The following PHACTR2 variants were observed in gnomAD, a reference collection of about 807,000 sequenced individuals.
PHACTR2 encodes the protein chromosome 6 open reading frame 56.
Under a neutral mutation model 76.0 loss-of-function variants are expected in PHACTR2, and 30 were observed. That is an observed-to-expected ratio of 0.39 (90% confidence interval 0.30 to 0.54). The LOEUF (loss-of-function observed/expected upper bound fraction) is 0.54, where lower values mean the gene tolerates loss of function less well. Ranked by LOEUF, PHACTR2 falls within the 20% of genes least tolerant of loss-of-function variation. The pLI is 0.61. For missense variants in PHACTR2, 696 were observed against 781.1 expected (o/e 0.89, Z 1.30); for synonymous variants, 292 against 292.5 (o/e 1.00, Z 0.02).
At chr6:143,711,130 C>G (rs753886279) in intron 1 of PHACTR2, 6 of 466,810 alleles carry the variant, frequency 1.3e-5, no homozygotes, top group Admixed American at 1.0e-4. Flanking sequence ...TTTCCATCAC[C>G]GCTATACGTT....
In PHACTR2 at chr6:143,827,158, AT is replaced by A. The variant is rs1562322637; in HGVS notation, c.*3470del. On this transcript the variant is annotated 3_prime_UTR_variant, in exon 13 of 13. Coordinates refer to ENST00000440869, the MANE Select transcript of PHACTR2 (RefSeq NM_001100164.2). ...CTGCGTTGGCATTAAAAAAGAAAAT[AT>A]ATATATATATATATATATATATATA... The A allele has an allele frequency of 9.3e-3, 315 of 33,782 alleles. 2 individuals are homozygous for A. The highest frequency in any genetic ancestry group is 0.038 in the African/African-American group (307 of 8,148). 2.1% of individuals were successfully genotyped at this position (33,782 alleles called of 1,614,324 possible).
intron 1 of PHACTR2, among the ~76,000 whole-genome samples, chr6:143,692,959 G>A (rs1013544199): frequency 1.1e-4 from 16 of 152,192 alleles, no homozygotes; most frequent in African/African-American, 3.9e-4. Flanking sequence ...CTTCTGCTCA[G>A]AGCCTCTGTC....
At position 143,754,058 on chromosome 6, in the gene PHACTR2, G is replaced by A. The variant is rs1236401932; in HGVS notation, c.454+146G>A. On this transcript the variant is annotated intron_variant, in intron 4 of 12. Coordinates refer to ENST00000440869, the MANE Select transcript of PHACTR2 (RefSeq NM_001100164.2). This position sits in a 1 kb window ranked among gnomAD's most constrained non-coding sequence, Gnocchi z 6.2. Reference sequence around the variant, plus strand: ...AGAAAAAAGAAAGAAATGATAACTAGTAAAGTGAAATCGGATGATTTTCTC... The same window carrying A: ...AGAAAAAAGAAAGAAATGATAACTAATAAAGTGAAATCGGATGATTTTCTC... 1 of 454,104 alleles carries A rather than the reference G, an allele frequency of 2.2e-6. No homozygotes were observed. The highest frequency in any genetic ancestry group is 6.4e-5 in the South Asian group (1 of 15,714). 28.1% of individuals were successfully genotyped at this position (454,104 alleles called of 1,614,324 possible).
rs1048722425 is a variant in PHACTR2, at chr6:143,765,596, C to G, written c.1030C>G (p.Pro344Ala). ...MVPPPPVAPA[P>A]SPLAPPLPLE... is the part of the protein sequence containing the mutation. ...CCCTCCACCCCCTGTGGCTCCAGCA[C>G]CTTCTCCTCTGGCCCCCCCTCTCCC... is the stretch of plus-strand genomic sequence containing the variant. Residue 344 changes from proline to alanine, a missense_variant, in exon 6 of 13, where the codon CCT (proline) becomes GCT (alanine). Transcript: ENST00000440869. This position sits in a 1 kb window ranked among gnomAD's most constrained non-coding sequence, Gnocchi z 4.1. 1 of 1,613,974 alleles carries G rather than the reference C, an allele frequency of 6.2e-7. No individual in the cohort carries two copies. Among genetic ancestry groups the G allele is most frequent in the Non-Finnish European group, 8.5e-7 (1 of 1,179,970 alleles).
In PHACTR2 at chr6:143,678,026, G is replaced by C. The variant is rs1195575592; in HGVS notation, c.-138G>C. Reference sequence around the variant, plus strand: ...GGCCGGGCTGGGAGACCCGCGCGGGGTAGAAGGTGAGGGGACCCGGCGGGC... The same window carrying C: ...GGCCGGGCTGGGAGACCCGCGCGGGCTAGAAGGTGAGGGGACCCGGCGGGC... On this transcript the variant is annotated 5_prime_UTR_variant, in exon 1 of 13. Coordinates refer to ENST00000440869, the MANE Select transcript of PHACTR2 (RefSeq NM_001100164.2). The surrounding 1 kb of genome is among the most constrained non-coding windows in gnomAD (Gnocchi z 6.2). The C allele has an allele frequency of 6.6e-7, 1 of 1,512,136 alleles. No individual in the cohort carries two copies. The highest frequency in any genetic ancestry group is 2.1e-5 in the Admixed American group (1 of 48,174). The allele number at this position is 1,512,136 out of a possible 1,614,324, so 93.7% of individuals were successfully genotyped here.
chr6:143,644,572 C>CT (rs572172973), intron 1 of PHACTR2, among the ~76,000 whole-genome samples: 112 of 147,824 alleles, frequency 7.6e-4, no homozygotes, highest in African/African-American at 1.8e-3. Context: ...ATATTTTAGG[C>CT]TTTTTTTTTA....
At chr6:143,569,796 A>G (rs1775421608) in intron 1 of PHACTR2, among the ~76,000 whole-genome samples, 1 of 152,262 alleles carries the variant, frequency 6.6e-6, no homozygotes, top group African/African-American at 2.4e-5. Flanking sequence ...GAAGTGACTT[A>G]AGGAGAAATA....
chr6:143,578,021 G>A lies in PHACTR2; in HGVS notation c.217+40814G>A, dbSNP rs1015990994. Among the ~76,000 whole-genome samples the A allele has an allele frequency of 3.9e-5, 6 of 152,078 alleles. No individual in the cohort carries two copies. Among genetic ancestry groups the A allele is most frequent in the South Asian group, 2.1e-4 (1 of 4,816 alleles). Reference sequence around the variant, plus strand: ...TCTGGTCCAAGACACTCTATCCCCCGTTCGTTTGCCAACACCTGTGAGAAT... The same window carrying A: ...TCTGGTCCAAGACACTCTATCCCCCATTCGTTTGCCAACACCTGTGAGAAT... On this transcript the variant is annotated intron_variant, in intron 1 of 11. Transcript: ENST00000367584. The surrounding 1 kb of genome is among the most constrained non-coding windows in gnomAD (Gnocchi z 4.5).
rs967601843 is a variant in PHACTR2, at chr6:143,583,677, T to A, written c.217+46470T>A. ...TTTCCCAGAACTGATAGCTTGATTT[T>A]GCCAGTTATACACCCAAAGACTTTG... On this transcript the variant is annotated intron_variant, in intron 1 of 11. Coordinates refer to the PHACTR2 transcript ENST00000367584. This position sits in a 1 kb window ranked among gnomAD's most constrained non-coding sequence, Gnocchi z 4.0. Among the ~76,000 whole-genome samples the A allele has an allele frequency of 3.9e-5, 6 of 152,280 alleles. No homozygotes were observed. In the East Asian group the frequency reaches 1.2e-3, roughly 29 times the overall value.
chr6:143,736,395 T>C (rs1778820189), intron 2 of PHACTR2, among the ~76,000 whole-genome samples: 1 of 151,998 alleles, frequency 6.6e-6, no homozygotes, highest in South Asian at 2.1e-4. Flanking sequence ...GCATTCTTAA[T>C]CCCTATACTA....
At chr6:143,628,079 T>C (rs1475393647) in intron 1 of PHACTR2, among the ~76,000 whole-genome samples, 2 of 152,220 alleles carry the variant, frequency 1.3e-5, no homozygotes, top group African/African-American at 4.8e-5. Flanking sequence ...AAATTGAACC[T>C]AATGTTTTCA....
At chr6:143,642,406 C>A (rs1429061410) in intron 1 of PHACTR2, among the ~76,000 whole-genome samples, 1 of 152,174 alleles carries the variant, frequency 6.6e-6, no homozygotes, top group East Asian at 1.9e-4. Flanking sequence ...CAAATAAACA[C>A]CTCATTGTGT....
chr6:143,811,186 T>C lies in PHACTR2; in HGVS notation c.1922+4053T>C, dbSNP rs547230031. ...TACTTTTTTCTAAATCAGTAGTTGA[T>C]TCTCTCAATGCCACTTTTTTCCCTG... On this transcript the variant is annotated intron_variant, in intron 12 of 12. Coordinates refer to ENST00000440869, the MANE Select transcript of PHACTR2 (RefSeq NM_001100164.2). This position sits in a 1 kb window ranked among gnomAD's most constrained non-coding sequence, Gnocchi z 4.1. Among the ~76,000 whole-genome samples, 5 of 152,342 alleles carry C rather than the reference T, an allele frequency of 3.3e-5. No individual in the cohort carries two copies. The South Asian group carries it at 1.0e-3, about 32-fold the overall frequency.
intron 11 of PHACTR2, among the ~76,000 whole-genome samples, chr6:143,797,719 G>A (rs1775859609): frequency 6.6e-6 from 1 of 152,138 alleles, no homozygotes; most frequent in Admixed American, 6.5e-5. Flanking sequence ...TCAGGTGGTG[G>A]ATGTGTGGTG....
Position 143,563,551 on chromosome 6 carries a change from C to CAAAAA in PHACTR2, c.217+26360_217+26364dup, listed in dbSNP as rs76587878. ...AGCCTGGGCGACACAAACTCCGTCT[C>CAAAAA]AAAAAAAAAAAAAAAAAAAAGAAGA... On this transcript the variant is annotated intron_variant, in intron 1 of 11. Transcript: ENST00000367584. Among the ~76,000 whole-genome samples, 5 of 29,970 alleles carry CAAAAA rather than the reference C, an allele frequency of 1.7e-4. No individual in the cohort carries two copies. The East Asian group carries it at 3.3e-3, about 20-fold the overall frequency. 19.7% of individuals were successfully genotyped at this position (29,970 alleles called of 152,430 possible). A position where few individuals can be genotyped will look rare whatever the true frequency, so the allele number is the denominator to read the frequency against.
chr6:143,771,888 C>T (rs1370290271), intron 6 of PHACTR2, among the ~76,000 whole-genome samples: 5 of 152,176 alleles, frequency 3.3e-5, no homozygotes, highest in South Asian at 2.1e-4. Context: ...AGCACTCTAG[C>T]GGGATCGTCT....
intron 1 of PHACTR2, among the ~76,000 whole-genome samples, chr6:143,645,709 T>C (rs1161742817): frequency 6.6e-6 from 1 of 152,218 alleles, no homozygotes; most frequent in East Asian, 1.9e-4. Context: ...TGTTACTCTT[T>C]AAAGCAATGG....
chr6:143,814,776 G>A (rs1488075637), intron 12 of PHACTR2, among the ~76,000 whole-genome samples: 1 of 151,794 alleles, frequency 6.6e-6, no homozygotes, highest in African/African-American at 2.4e-5. Flanking sequence ...CTAATTTTTT[G>A]TATTTTTAGT....
chr6:143,630,118 A>C (rs1373649839), intron 1 of PHACTR2, among the ~76,000 whole-genome samples: 1 of 151,738 alleles, frequency 6.6e-6, no homozygotes, highest in Non-Finnish European at 1.5e-5. Flanking sequence ...CATTCTTAAT[A>C]TTATAAGTCA....
Sources: allele counts gnomAD v4.1 joint callset (sites outside exome capture counted in the v4.1 genomes callset), GRCh38; gene constraint gnomAD v4.1.1; non-coding constraint Gnocchi (gnomAD v3.1); transcripts MANE v1.5; gene names NCBI Gene and HGNC (gene_info 2026-07-23, HGNC 2026-07-21).